Variants in PHF11 observed in about 807,000 individuals in gnomAD.
PHF11 encodes the protein BRCA1 C-terminus-associated protein.
PHF11 carries 38 observed loss-of-function variants against 40.5 expected under a neutral mutation model. That is an observed-to-expected ratio of 0.94 (90% CI 0.72 to 1.23). PHF11 has a LOEUF of 1.23. Ranked by LOEUF, PHF11 falls within the 50% of genes most tolerant of loss-of-function variation. The pLI, the probability that PHF11 is intolerant of heterozygous loss-of-function variation, is 0.00. For synonymous variants in PHF11, 127 were observed against 138.2 expected, an observed-to-expected ratio of 0.92 and a Z score of 0.57; for missense variants, 369 against 392.4, an observed-to-expected ratio of 0.94 and a Z score of 0.50.
chr13:49,524,791 T>G (rs61960011), intron 8 of PHF11, among the ~76,000 whole-genome samples: 4,152 of 152,244 alleles, frequency 0.027, 80 homozygotes, highest in Middle Eastern at 0.048. Flanking sequence ...CCTCATTCTT[T>G]AATAAAATAA....
intron 8 of PHF11, 64 bp downstream of exon 8, chr13:49,524,280 ACAAAC>A (rs1270052712): frequency 6.3e-5 from 61 of 969,168 alleles, no homozygotes; most frequent in Non-Finnish European, 1.0e-5. Flanking sequence ...TTAAAACAAA[ACAAAC>A]CCAAGAAAAA....
At chr13:49,508,299 AAAT>A (rs1360417004) in intron 2 of PHF11, among the ~76,000 whole-genome samples, 7 of 147,300 alleles carry the variant, frequency 4.8e-5, no homozygotes. Flanking sequence ...ATATAAATAT[AAAT>A]AATATGCATT....
chr13:49,501,170 C>T lies in PHF11; in HGVS notation c.94+5075C>T, dbSNP rs559346347. ...CGGGGATTACAGGCATGCACCACCACGCCTGGCTAATTTTGTATTTTTAGT... is the reference window on the plus strand; with the variant it reads ...CGGGGATTACAGGCATGCACCACCATGCCTGGCTAATTTTGTATTTTTAGT... On this transcript the variant is annotated intron_variant, in intron 1 of 9. Transcript: ENST00000378319. Among the ~76,000 whole-genome samples the T allele has an allele frequency of 5.3e-5, 8 of 152,058 alleles. No homozygotes were observed. In the East Asian group the frequency reaches 1.4e-3, roughly 26 times the overall value.
intron 1 of PHF11, among the ~76,000 whole-genome samples, chr13:49,501,016 G>GTTTT (rs1566185405): frequency 3.9e-5 from 3 of 77,532 alleles, no homozygotes; most frequent in South Asian, 4.9e-4. Context: ...TTTTTTTTTT[G>GTTTT]GTTTTTTTTT....
intron 1 of PHF11, among the ~76,000 whole-genome samples, chr13:49,496,851 T>TTTTTGG (rs1958820462): frequency 6.9e-6 from 1 of 144,380 alleles, no homozygotes; most frequent in Non-Finnish European, 1.5e-5. Context: ...TTTTTTTTTT[T>TTTTTGG]GAGAGGAGTT....
In PHF11 at chr13:49,519,126, C is replaced by A. The variant is rs536358591; in HGVS notation, c.458+975C>A. On this transcript the variant is annotated intron_variant, in intron 4 of 9. Coordinates refer to ENST00000378319, the MANE Select transcript of PHF11 (RefSeq NM_001040443.3). ...CTGGGATTACAGGCGTGAGCCACCG[C>A]GCCCGGGCTAAATAATTTTAAATCT... is the stretch of plus-strand genomic sequence containing the variant. Among the ~76,000 whole-genome samples the A allele has an allele frequency of 6.0e-4, 91 of 152,274 alleles. 2 individuals carry two copies. In the South Asian group the frequency reaches 0.018, roughly 30 times the overall value.
chr13:49,522,301 C>G lies in PHF11; in HGVS notation c.570+194C>G, dbSNP rs1176652760. Among the ~76,000 whole-genome samples the G allele has an allele frequency of 2.6e-5, 4 of 152,192 alleles. No homozygotes were observed. In the South Asian group the frequency reaches 8.3e-4, roughly 31 times the overall value. On this transcript the variant is annotated intron_variant, in intron 6 of 9. Transcript: ENST00000378319. ...TAGGAAGAATCCCATAGTCGGGAAG[C>G]TCTTAGATAATTCCTAGATGATAGA... is the stretch of plus-strand genomic sequence containing the variant.
chr13:49,523,160 G>T lies in PHF11; in HGVS notation c.571-15G>T, dbSNP rs760305458. On this transcript the variant is annotated splice_polypyrimidine_tract_variant and intron_variant, in intron 6 of 9. Coordinates refer to ENST00000378319, the MANE Select transcript of PHF11 (RefSeq NM_001040443.3). Reference sequence around the variant, plus strand: ...ATTAAAATCAATGTAATGCAATCTTGATTTTCTCTCCTAGCCACCCGAAAC... The same window carrying T: ...ATTAAAATCAATGTAATGCAATCTTTATTTTCTCTCCTAGCCACCCGAAAC... 3 of 1,568,258 alleles carry T rather than the reference G, an allele frequency of 1.9e-6. No individual in the cohort carries two copies. Among genetic ancestry groups the T allele is most frequent in the Non-Finnish European group, 2.6e-6 (3 of 1,138,446 alleles).
chr13:49,506,442 T>C (rs1180867963), intron 1 of PHF11, among the ~76,000 whole-genome samples, 193 bp from the exon 2 acceptor site: 6 of 152,164 alleles, frequency 3.9e-5, no homozygotes, highest in Non-Finnish European at 8.8e-5. Context: ...CATTAATTCT[T>C]TTCTTCTATT....
intron 1 of PHF11, among the ~76,000 whole-genome samples, chr13:49,499,335 A>G (rs571601382): frequency 6.6e-6 from 1 of 152,344 alleles, no homozygotes; most frequent in South Asian, 2.1e-4. Context: ...GCTGGGGGTC[A>G]TTGTGTACGC....
Position 49,524,232 on chromosome 13 carries a change from A to T in PHF11, c.769+16A>T. On this transcript the variant is annotated intron_variant, in intron 8 of 9. Transcript: ENST00000378319. The stretch of plus-strand genomic sequence containing the variant: ...TCAGAATCAGGTACTGATGAAGAGC[A>T]ATATTTCGAAGTATAGAGACTTCTC... The T allele has an allele frequency of 6.3e-7, 1 of 1,590,878 alleles. No individual in the cohort carries two copies. The highest frequency in any genetic ancestry group is 8.6e-7 in the Non-Finnish European group (1 of 1,166,100).
intron 1 of PHF11, among the ~76,000 whole-genome samples, chr13:49,500,825 G>A (rs1958889622): frequency 6.6e-6 from 1 of 152,130 alleles, no homozygotes; most frequent in African/African-American, 2.4e-5. Context: ...CAGATGCCAA[G>A]ACTCTTGGAA....
intron 1 of PHF11, chr13:49,496,402 T>G: frequency 9.0e-7 from 1 of 1,114,356 alleles, no homozygotes. Flanking sequence ...AGCCCAGTGC[T>G]TCCACCACAA....
At chr13:49,528,140 G>A (rs536220230) in intron 9 of PHF11, among the ~76,000 whole-genome samples, 52 of 152,096 alleles carry the variant, frequency 3.4e-4, no homozygotes, top group Non-Finnish European at 6.3e-4. Context: ...CTTAACCTTG[G>A]TATTCTAGCC....
rs1217773591 is a variant in PHF11, at chr13:49,523,211, C to A, written c.607C>A (p.Gln203Lys). 12 of 1,612,148 alleles carry A rather than the reference C, an allele frequency of 7.4e-6. No homozygotes were observed. Among genetic ancestry groups the A allele is most frequent in the Non-Finnish European group, 1.0e-5 (12 of 1,178,332 alleles). ...ETMKCNTFIR[Q>K]VKEEHGRHTD... ...AATGAAATGTAATACATTCATAAGA[C>A]AAGTGAAAGAAGAGCATGGCAGACA... Residue 203 changes from glutamine (Q) to lysine (K), a missense_variant, in exon 7 of 10, where the codon CAA becomes AAA. By Grantham distance (53) the Gln-to-Lys change is moderately conservative. Coordinates refer to ENST00000378319, the MANE Select transcript of PHF11 (RefSeq NM_001040443.3).
At chr13:49,508,127 T>A (rs1260415744) in intron 2 of PHF11, among the ~76,000 whole-genome samples, 1 of 147,008 alleles carries the variant, frequency 6.8e-6, no homozygotes, top group Non-Finnish European at 1.5e-5. Flanking sequence ...ACAAAACCTG[T>A]TAATGGATGG....
intron 3 of PHF11, among the ~76,000 whole-genome samples, chr13:49,515,725 A>G (rs1959144169): frequency 6.6e-6 from 1 of 151,914 alleles, no homozygotes. Context: ...GAGTACTGAC[A>G]CTCGCCCGAC....
At chr13:49,519,698 A>C (rs1294762692) in intron 4 of PHF11, among the ~76,000 whole-genome samples, 1 of 118,728 alleles carries the variant, frequency 8.4e-6, no homozygotes, top group Non-Finnish European at 1.8e-5. Context: ...TGGCCTTGAG[A>C]ATTGTTGACA....
chr13:49,510,989 A>G (rs1959074681), intron 2 of PHF11, among the ~76,000 whole-genome samples: 1 of 152,164 alleles, frequency 6.6e-6, no homozygotes, highest in Admixed American at 6.5e-5. Flanking sequence ...CTGTGCAATC[A>G]ATTCCTTCCT....
Sources: gnomAD v4.1 joint callset for allele counts (sites outside exome capture counted in the v4.1 genomes callset) on GRCh38, gnomAD v4.1.1 for gene constraint, MANE v1.5 for transcripts, NCBI Gene and HGNC (gene_info 2026-07-23, HGNC 2026-07-21) for gene names.